Variants in EBNA1BP2 observed in about 807,000 individuals in gnomAD.
EBNA1BP2 encodes EBNA1 binding protein 2.
A neutral mutation model predicts 43.5 loss-of-function variants in EBNA1BP2; 36 were observed. The observed-to-expected ratio is 0.83, with a 90% CI of 0.63 to 1.09. The LOEUF is 1.09. EBNA1BP2 is among the 50% of genes least tolerant of loss of function. The probability of loss-of-function intolerance (pLI) is 0.00; values close to 1 mark genes in which losing one functional copy is unlikely to be tolerated. For synonymous variants in EBNA1BP2, 127 were observed against 141.3 expected (o/e 0.90, Z 0.72); for missense variants, 332 against 379.1 (o/e 0.88, Z 1.03).
rs1199256945 is a variant in EBNA1BP2 at position 43,168,991 on chromosome 1, T to C, written c.485A>G (p.Glu162Gly). The C allele has an allele frequency of 6.2e-7, 1 of 1,614,058 alleles. No homozygotes were observed. Among genetic ancestry groups the C allele is most frequent in the Non-Finnish European group, 8.5e-7 (1 of 1,180,024 alleles). The change falls in exon 5 of 9, where the codon GAG becomes GGG. Residue 162 changes from glutamate to glycine, a missense_variant. By Grantham distance (98) the Glu-to-Gly change is moderately conservative. Around this residue, in one of 3 missense-constraint regions of EBNA1BP2, gnomAD observed 91 missense variants for 152.1 expected, o/e 0.60. Transcript: ENST00000236051. The stretch of plus-strand genomic sequence containing the variant: ...CAGTTGCTTAGCTTTTTCAGACCTC[T>C]CCATGGCAGCCTGTTTAGTCTGCAG... ...QKLQTKQAAM[E>G]RSEKAKQLRA... is the part of the protein sequence containing the mutation.
chr1:43,167,900 C>A (rs1266705721), intron 5 of EBNA1BP2, among the ~76,000 whole-genome samples: 1 of 152,032 alleles, frequency 6.6e-6, no homozygotes, highest in South Asian at 2.1e-4. Context: ...GCCAGTAGTA[C>A]CCTCCCTCCC....
Position 43,171,897 on chromosome 1 carries a change from C to A in EBNA1BP2, c.139G>T (p.Val47Leu). The A allele has an allele frequency of 6.2e-7, 1 of 1,614,096 alleles. No homozygotes were observed. Among genetic ancestry groups the A allele is most frequent in the Non-Finnish European group, 8.5e-7 (1 of 1,179,948 alleles). The change falls in exon 2 of 9, where the codon GTG becomes TTG. Residue 47 changes from valine to leucine, a missense_variant. Val to Leu is a conservative substitution (Grantham distance 32). This residue lies in a region of EBNA1BP2 where 182 missense variants were observed against 173.7 expected (regional missense o/e 1.05). Coordinates refer to ENST00000236051, the MANE Select transcript of EBNA1BP2 (RefSeq NM_006824.3). The stretch of plus-strand genomic sequence containing the variant: ...GTGCCCACGCTCACCACGTCGTTCA[C>A]GGCCTTCTTCGGCCCCTCTAGCACG... ...NVVLEGPKKAVNDVNGLKQCL... is the reference protein window; with the variant it reads ...NVVLEGPKKALNDVNGLKQCL...
upstream of EBNA1BP2, chr1:43,172,563 G>GGAGGAGGGGAAA (rs1645006834): frequency 7.8e-6 from 6 of 769,750 alleles, no homozygotes; most frequent in South Asian, 1.7e-5. Flanking sequence ...GGAGGACCCC[G>GGAGGAGGGGAAA]GGGGAGGGGA....
upstream of EBNA1BP2, chr1:43,172,515 A>G (rs942144127): frequency 6.8e-6 from 9 of 1,329,416 alleles, no homozygotes; most frequent in South Asian, 2.6e-5. Context: ...ACAAAGGAAA[A>G]GGCAGAAAAA....
chr1:43,172,186 A>G lies in EBNA1BP2; in HGVS notation c.-68T>C, dbSNP rs3850848. ...ATCCCGAGACCCAAGCGGCTAGCAGAGGGCGGCCCTGGCCGCTGCTGCCTG... is the reference window on the plus strand; with the variant it reads ...ATCCCGAGACCCAAGCGGCTAGCAGGGGGCGGCCCTGGCCGCTGCTGCCTG... On this transcript the variant is annotated 5_prime_UTR_variant, in exon 1 of 9. Coordinates refer to ENST00000236051, the MANE Select transcript of EBNA1BP2 (RefSeq NM_006824.3). The G allele has an allele frequency of 2.7e-3, 4,300 of 1,607,658 alleles. 109 individuals are homozygous for G. In the African/African-American group the frequency reaches 0.052, roughly 19 times the overall value.
rs1644977598 is a variant in EBNA1BP2 at position 43,171,803 on chromosome 1, G to C, written c.150+83C>G. ...CGAGGCGCAGGGTGCATCTTTCCTGGGACAAGAATCGGTCTCCCAAGCCCA... is the reference window on the plus strand; with the variant it reads ...CGAGGCGCAGGGTGCATCTTTCCTGCGACAAGAATCGGTCTCCCAAGCCCA... On this transcript the variant is annotated intron_variant, in intron 2 of 8. Transcript: ENST00000236051. 1.9e-6 allele frequency: 3 copies of C among 1,580,370 alleles called. No individual in the cohort carries two copies. The Admixed American group carries it at 5.2e-5, about 28-fold the overall frequency.
Position 43,170,789 on chromosome 1 carries a change from C to T in EBNA1BP2, c.414G>A (p.Ala138=), listed in dbSNP as rs147794658. 31 of 1,606,730 alleles carry T rather than the reference C, an allele frequency of 1.9e-5. No individual in the cohort carries two copies. The African/African-American group carries it at 2.6e-4, about 13-fold the overall frequency. The part of the protein sequence containing the change: ...VPTKRPTDYF[A]EMAKSDLQMQ... Reference sequence around the variant, plus strand: ...TCTGCAGATCAGATTTGGCCATTTCCGCAAAATAATCAGTGGGTCGCTTCG... The same window carrying T: ...TCTGCAGATCAGATTTGGCCATTTCTGCAAAATAATCAGTGGGTCGCTTCG... Residue 138 remains alanine (A), a synonymous_variant, in exon 4 of 9, where the codon GCG becomes GCA. Transcript: ENST00000236051.
At chr1:43,169,402 C>T (rs1644939860) in intron 4 of EBNA1BP2, among the ~76,000 whole-genome samples, 2 of 152,302 alleles carry the variant, frequency 1.3e-5, no homozygotes, top group South Asian at 4.1e-4. Context: ...AAAACCCAGG[C>T]AGATACCAGG....
In EBNA1BP2 at chr1:43,164,489, C is replaced by T. The variant is rs780171747; in HGVS notation, c.875G>A (p.Arg292Lys). The change falls in exon 9 of 9, where the codon AGA becomes AAA. Residue 292 changes from arginine (R) to lysine (K), a missense_variant. Physicochemically the swap from Arg to Lys is conservative, Grantham distance 26 (BLOSUM62 2). This residue lies in a region of EBNA1BP2 where 59 missense variants were observed against 53.3 expected (regional missense o/e 1.11). Transcript: ENST00000236051. ...CTTCTCTCTTGTTCGTTTTCCAGGT[C>T]TCTTCTACAGAAAAAGACATACCAC... Reference protein sequence around the residue: ...KRPGKKGSNKRPGKRTREKMK... With the variant: ...KRPGKKGSNKKPGKRTREKMK... 8 of 1,614,020 alleles carry T rather than the reference C, an allele frequency of 5.0e-6. No homozygotes were observed. In the South Asian group the frequency reaches 6.6e-5, roughly 13 times the overall value.
intron 6 of EBNA1BP2, 33 bp from the exon 7 acceptor site, chr1:43,166,952 A>G (rs764305710): frequency 1.2e-6 from 2 of 1,600,504 alleles, no homozygotes; most frequent in South Asian, 1.1e-5. Context: ...GATCAGCACC[A>G]TTGTATTTTA....
chr1:43,171,637 T>C lies in EBNA1BP2; in HGVS notation c.165A>G (p.Gln55=). 1.2e-6 allele frequency: 2 copies of C among 1,613,872 alleles called. No homozygotes were observed. The highest frequency in any genetic ancestry group is 1.7e-5 in the Admixed American group (1 of 59,950). Residue 55 remains glutamine, a synonymous_variant, in exon 3 of 9, where the codon CAA becomes CAG. Coordinates refer to ENST00000236051, the MANE Select transcript of EBNA1BP2 (RefSeq NM_006824.3). ...KAVNDVNGLK[Q]CLAEFKRDLE... is the part of the protein sequence containing the mutation. ...GATCCCGCTTGAATTCTGCCAAACA[T>C]TGCTTCAGGCCATTCTAGGAAATCC...
intron 4 of EBNA1BP2, 141 bp downstream of exon 4, chr1:43,170,615 G>T: frequency 8.0e-7 from 1 of 1,257,520 alleles, no homozygotes; most frequent in Non-Finnish European, 1.1e-6. Flanking sequence ...TGACTCTGAA[G>T]TAGCCAATCT....
intron 2 of EBNA1BP2, 116 bp downstream of exon 2, chr1:43,171,770 C>A (rs1490959644): frequency 6.4e-7 from 1 of 1,561,536 alleles, no homozygotes; most frequent in African/African-American, 1.4e-5. Context: ...GGTAATTGAC[C>A]CTCTTGGCGA....
chr1:43,164,571 G>A, intron 8 of EBNA1BP2, 72 bp downstream of exon 8: 52 of 1,613,976 alleles, frequency 3.2e-5, no homozygotes, highest in Non-Finnish European at 4.4e-5. Context: ...CAGAACTGAA[G>A]GGAGAGGGCA....
chr1:43,167,215 C>G lies in EBNA1BP2; in HGVS notation c.558G>C (p.Gln186His). The G allele has an allele frequency of 6.2e-7, 1 of 1,614,166 alleles. No homozygotes were observed. Among genetic ancestry groups the G allele is most frequent in the Non-Finnish European group, 8.5e-7 (1 of 1,180,040 alleles). The change falls in exon 6 of 9, where the codon CAG (glutamine) becomes CAC (histidine). Residue 186 changes from glutamine to histidine, a missense_variant. This residue lies in a region of EBNA1BP2 where 91 missense variants were observed against 152.1 expected (regional missense o/e 0.60). Coordinates refer to ENST00000236051, the MANE Select transcript of EBNA1BP2 (RefSeq NM_006824.3). Reference sequence around the variant, plus strand: ...TATGGGCTTTCTCCTGCTGCCTCTTCTGAAGAACCTCCGTTTGCACCTGTG... The same window carrying G: ...TATGGGCTTTCTCCTGCTGCCTCTTGTGAAGAACCTCCGTTTGCACCTGTG... ...YGKKVQTEVL[Q>H]KRQQEKAHMM... is the part of the protein sequence containing the mutation.
At chr1:43,168,345 T>C (rs902574602) in intron 5 of EBNA1BP2, among the ~76,000 whole-genome samples, 1 of 152,218 alleles carries the variant, frequency 6.6e-6, no homozygotes, top group Non-Finnish European at 1.5e-5. Flanking sequence ...AAATCTGTCA[T>C]CTTCTTTCTT....
At chr1:43,167,927 A>C (rs1357188782) in intron 5 of EBNA1BP2, among the ~76,000 whole-genome samples, 1 of 152,046 alleles carries the variant, frequency 6.6e-6, no homozygotes, top group African/African-American at 2.4e-5. Context: ...GACAACTAAA[A>C]ATATCTCCAG....
upstream of EBNA1BP2, chr1:43,172,372 A>C: frequency 6.4e-7 from 1 of 1,551,532 alleles, no homozygotes; most frequent in South Asian, 1.2e-5. Flanking sequence ...ACGGCGTTTG[A>C]AAGTGTCCGG....
At position 43,170,828 on chromosome 1, in the gene EBNA1BP2, C is replaced by A. The variant is rs1014455707; in HGVS notation, c.375G>T (p.Gln125His). ...AVLAVLPRLHQLKVPTKRPTD... is the reference protein window; with the variant it reads ...AVLAVLPRLHHLKVPTKRPTD... ...TGGGTCGCTTCGTAGGGACTTTGAG[C>A]TGATGGAGGCGGGGTAAGACTGCAA... The change falls in exon 4 of 9, where the codon CAG (glutamine) becomes CAT (histidine). Residue 125 changes from glutamine (Q) to histidine (H), a missense_variant. By Grantham distance (24) the Gln-to-His change is conservative. Coordinates refer to ENST00000236051, the MANE Select transcript of EBNA1BP2 (RefSeq NM_006824.3). 2 of 1,605,102 alleles carry A rather than the reference C, an allele frequency of 1.2e-6. No individual in the cohort carries two copies. Among genetic ancestry groups the A allele is most frequent in the Non-Finnish European group, 1.7e-6 (2 of 1,176,410 alleles).
Sources: allele counts gnomAD v4.1 joint callset (sites outside exome capture counted in the v4.1 genomes callset), GRCh38; gene constraint gnomAD v4.1.1; regional missense constraint gnomAD v4.1.1; transcripts MANE v1.5; gene names NCBI Gene and HGNC (gene_info 2026-07-23, HGNC 2026-07-21).